The following ZC3H12C variants were observed in gnomAD, a reference collection of about 807,000 sequenced individuals.
The protein encoded by ZC3H12C is probable ribonuclease ZC3H12C.
A neutral mutation model predicts 76.3 loss-of-function variants in ZC3H12C; 20 were observed. That is an observed-to-expected ratio of 0.26 (90% CI 0.18 to 0.38). The LOEUF (loss-of-function observed/expected upper bound fraction) is 0.38. ZC3H12C is among the 10% of genes least tolerant of loss of function. The pLI is 1.00. For missense variants in ZC3H12C, 874 were observed against 1,086.5 expected (o/e 0.80, Z 2.75); for synonymous variants, 352 against 399.6 (o/e 0.88, Z 1.42).
intron 3 of ZC3H12C, among the ~76,000 whole-genome samples, chr11:110,156,190 T>C (rs1413153188): frequency 5.5e-5 from 6 of 110,018 alleles, no homozygotes; most frequent in Non-Finnish European, 1.2e-4. Context: ...AACCCCAGGG[T>C]AATAATTCTC....
At position 110,137,850 on chromosome 11, in the gene ZC3H12C, C is replaced by A. The variant is rs1460729500; in HGVS notation, c.773+436C>A. The stretch of plus-strand genomic sequence containing the variant: ...TGTATTTTATTGATTTGAGAAAAAA[C>A]CAAAGCTGTAGTTTGAATTGTTTTG... On this transcript the variant is annotated intron_variant, in intron 2 of 5. Coordinates refer to ENST00000278590, the MANE Select transcript of ZC3H12C (RefSeq NM_033390.2). 4.6e-5 allele frequency among the ~76,000 whole-genome samples: 7 copies of A among 152,006 alleles called. No homozygotes were observed. In the East Asian group the frequency reaches 5.8e-4, roughly 13 times the overall value.
Position 110,169,213 on chromosome 11 carries a change from CAAAT to C in ZC3H12C, c.*3479_*3482del, listed in dbSNP as rs2134207169. ...AAAACTTAAAGTAGTATTGATTATA[CAAAT>C]AATTATTTAACATGTCTTATGGATG... On this transcript the variant is annotated 3_prime_UTR_variant, in exon 6 of 6. Coordinates refer to ENST00000278590, the MANE Select transcript of ZC3H12C (RefSeq NM_033390.2). 1 of 152,066 alleles carries C rather than the reference CAAAT, an allele frequency of 6.6e-6. No homozygotes were observed. The highest frequency in any genetic ancestry group is 1.9e-4 in the East Asian group (1 of 5,186). The allele number at this position is 152,066 out of a possible 1,614,324, so 9.4% of individuals were successfully genotyped here.
chr11:110,098,552 G>A (rs750623373), intron 1 of ZC3H12C, among the ~76,000 whole-genome samples: 11 of 152,166 alleles, frequency 7.2e-5, no homozygotes, highest in Non-Finnish European at 1.3e-4. Flanking sequence ...GACTTATCCA[G>A]AGCAACTTCT....
At chr11:110,123,350 A>T (rs1216205448) in intron 1 of ZC3H12C, among the ~76,000 whole-genome samples, 1 of 152,208 alleles carries the variant, frequency 6.6e-6, no homozygotes, top group East Asian at 1.9e-4. Context: ...TGCTTAATGA[A>T]TTTTTTAAAA....
chr11:110,109,873 G>A (rs1861396720), intron 1 of ZC3H12C, among the ~76,000 whole-genome samples: 1 of 152,026 alleles, frequency 6.6e-6, no homozygotes, highest in African/African-American at 2.4e-5. Flanking sequence ...ATGGTTGGCT[G>A]GTTTGTTTTT....
intron 1 of ZC3H12C, among the ~76,000 whole-genome samples, chr11:110,124,743 G>A (rs894688934): frequency 6.6e-6 from 1 of 151,998 alleles, no homozygotes; most frequent in Non-Finnish European, 1.5e-5. Flanking sequence ...GGCCAGAGGA[G>A]GCCCCGTTTG....
At chr11:110,118,724 G>A (rs1861604438) in intron 1 of ZC3H12C, among the ~76,000 whole-genome samples, 1 of 152,198 alleles carries the variant, frequency 6.6e-6, no homozygotes, top group Admixed American at 6.5e-5. Context: ...TTGAACCTGG[G>A]AGGTGGAGTT....
Position 110,153,702 on chromosome 11 carries a change from C to T in ZC3H12C, c.913+644C>T, listed in dbSNP as rs149240195. On this transcript the variant is annotated intron_variant, in intron 3 of 5. Transcript: ENST00000278590. ...TGAAGACTTTGAGCCACACAATGAA[C>T]CCCTTTGGGCCCCAATTTCTCATGT... Among the ~76,000 whole-genome samples, 10 of 152,252 alleles carry T rather than the reference C, an allele frequency of 6.6e-5. 1 individual carries two copies. The highest frequency in any genetic ancestry group is 1.4e-4 in the African/African-American group (6 of 41,526).
At chr11:110,134,044 A>G (rs1283717896) in intron 1 of ZC3H12C, among the ~76,000 whole-genome samples, 2 of 152,188 alleles carry the variant, frequency 1.3e-5, no homozygotes, top group African/African-American at 4.8e-5. Context: ...ATATTAAATA[A>G]TATTTCCTAG....
rs1157956575 is a variant in ZC3H12C, at chr11:110,167,146, G to A, written c.*1409G>A. The A allele has an allele frequency of 1.3e-5, 2 of 152,168 alleles. No homozygotes were observed. The highest frequency in any genetic ancestry group is 6.5e-5 in the Admixed American group (1 of 15,282). The allele number at this position is 152,168 out of a possible 1,614,324, so 9.4% of individuals were successfully genotyped here. On this transcript the variant is annotated 3_prime_UTR_variant, in exon 6 of 6. Transcript: ENST00000278590. ...GTCCAGGTTTTGAATTGTACTTCAC[G>A]TAACAGATGCATTCAGATCTTTTTC...
At chr11:110,141,042 C>T (rs1467207286) in intron 2 of ZC3H12C, among the ~76,000 whole-genome samples, 1 of 152,138 alleles carries the variant, frequency 6.6e-6, no homozygotes, top group African/African-American at 2.4e-5. Context: ...ATATACCAAT[C>T]AAATGACACA....
chr11:110,105,925 A>C (rs1459002014), intron 1 of ZC3H12C, among the ~76,000 whole-genome samples: 2 of 152,178 alleles, frequency 1.3e-5, no homozygotes, highest in Non-Finnish European at 2.9e-5. Flanking sequence ...AACATTATTG[A>C]ATATATTTTT....
At chr11:110,131,294 A>C (rs1047801944) in intron 1 of ZC3H12C, 15 of 588,364 alleles carry the variant, frequency 2.5e-5, no homozygotes, top group African/African-American at 2.5e-4. Flanking sequence ...ACACTTTTCT[A>C]GTCTAGAGTT....
chr11:110,162,112 G>A (rs1044008736), intron 4 of ZC3H12C, among the ~76,000 whole-genome samples: 18 of 152,092 alleles, frequency 1.2e-4, no homozygotes, highest in African/African-American at 4.3e-4. Flanking sequence ...CTCCAGCCTG[G>A]GTGAAACAGC....
chr11:110,162,353 G>A (rs634367), intron 4 of ZC3H12C, among the ~76,000 whole-genome samples: 105,049 of 152,026 alleles, frequency 0.69, 37,072 homozygotes, highest in South Asian at 0.79. Context: ...GTAACATGTA[G>A]TGTTACCATA....
chr11:110,134,913 C>T (rs1861927817), intron 1 of ZC3H12C, among the ~76,000 whole-genome samples: 1 of 152,064 alleles, frequency 6.6e-6, no homozygotes, highest in Non-Finnish European at 1.5e-5. Context: ...CTAGTATTTA[C>T]CATAGTTAAT....
intron 1 of ZC3H12C, among the ~76,000 whole-genome samples, chr11:110,133,511 A>C (rs545348508): frequency 6.6e-6 from 1 of 152,208 alleles, no homozygotes; most frequent in Non-Finnish European, 1.5e-5. Context: ...GCCTAAAAAA[A>C]CTGGATGTTA....
At position 110,136,765 on chromosome 11, in the gene ZC3H12C, C is replaced by T. The variant is rs985986349; in HGVS notation, c.124C>T (p.Leu42Phe). Residue 42 changes from leucine to phenylalanine, a missense_variant, in exon 2 of 6, where the codon CTC becomes TTC. Leu to Phe is a conservative substitution (Grantham distance 22, BLOSUM62 0). Coordinates refer to ENST00000278590, the MANE Select transcript of ZC3H12C (RefSeq NM_033390.2). Reference protein sequence around the residue: ...MGLKDHLGHDLGHLYVESTDP... With the variant: ...MGLKDHLGHDFGHLYVESTDP... ...CTTGAAGGATCACCTAGGGCATGAC[C>T]TCGGCCACCTTTATGTGGAGAGCAC... The T allele has an allele frequency of 6.2e-7, 1 of 1,613,950 alleles. No homozygotes were observed. Among genetic ancestry groups the T allele is most frequent in the South Asian group, 1.1e-5 (1 of 91,082 alleles).
intron 4 of ZC3H12C, among the ~76,000 whole-genome samples, chr11:110,161,531 A>G (rs1044197818): frequency 2.0e-5 from 3 of 152,200 alleles, no homozygotes; most frequent in African/African-American, 7.2e-5. Context: ...AAATGAATCT[A>G]AAAAGAATAT....
Sources: allele counts gnomAD v4.1 joint callset (sites outside exome capture counted in the v4.1 genomes callset), GRCh38; gene constraint gnomAD v4.1.1; transcripts MANE v1.5; gene names NCBI Gene and HGNC (gene_info 2026-07-23, HGNC 2026-07-21).